Variants in STK39 observed in about 807,000 individuals in gnomAD.
The protein encoded by STK39 is serine/threonine kinase 39.
A neutral mutation model predicts 77.8 loss-of-function variants in STK39; 20 were observed. That is an observed-to-expected ratio of 0.26 (90% CI 0.18 to 0.37). STK39 has a LOEUF of 0.37. STK39 is among the 10% of genes least tolerant of loss of function. The probability of loss-of-function intolerance (pLI) is 1.00; values close to 1 mark genes in which losing one functional copy is unlikely to be tolerated. For missense variants in STK39, 479 were observed against 656.5 expected (o/e 0.73, Z 2.95); for synonymous variants, 246 against 234.1 (o/e 1.05, Z -0.47).
intron 16 of STK39, among the ~76,000 whole-genome samples, chr2:167,976,330 AC>A (rs1683275307): frequency 1.3e-5 from 2 of 152,214 alleles, no homozygotes; most frequent in African/African-American, 4.8e-5. Context: ...GATCTAGTCA[AC>A]CCCTCCTCTT....
chr2:168,004,525 G>A (rs113556751), intron 16 of STK39, among the ~76,000 whole-genome samples: 16,630 of 151,994 alleles, frequency 0.11, 3,060 homozygotes, highest in African/African-American at 0.38. Context: ...GAGGTCAGGA[G>A]ATCGAGACCA....
chr2:168,221,813 C>G (rs1559153259), intron 1 of STK39, among the ~76,000 whole-genome samples: 1 of 150,028 alleles, frequency 6.7e-6, no homozygotes. Flanking sequence ...GCAACAAAGA[C>G]CGAATAAAGA....
intron 10 of STK39, among the ~76,000 whole-genome samples, chr2:168,088,671 G>A (rs922794434): frequency 5.9e-5 from 9 of 152,102 alleles, no homozygotes; most frequent in East Asian, 1.9e-4. Context: ...GGCTAATAGA[G>A]AACAGCATCC....
intron 1 of STK39, chr2:168,231,963 ATCTG>A (rs996290731): frequency 4.2e-6 from 1 of 238,230 alleles, no homozygotes; most frequent in Admixed American, 4.0e-5. Flanking sequence ...CACAGAAGAG[ATCTG>A]TCTTAGAGCT....
chr2:168,021,362 A>G (rs962419569), intron 14 of STK39, among the ~76,000 whole-genome samples: 5 of 152,190 alleles, frequency 3.3e-5, no homozygotes, highest in African/African-American at 1.2e-4. Flanking sequence ...CGCCTTTGAA[A>G]AGATCACAGT....
chr2:167,955,644 G>T, intron 17 of STK39, 74 bp from the exon 18 acceptor site: 1 of 1,474,442 alleles, frequency 6.8e-7, no homozygotes, highest in Non-Finnish European at 9.3e-7. Flanking sequence ...TTCCTATGAT[G>T]GCAGATCTAA....
At chr2:168,236,229 G>A (rs1305120847) in intron 1 of STK39, among the ~76,000 whole-genome samples, 12 of 152,178 alleles carry the variant, frequency 7.9e-5, no homozygotes, top group Admixed American at 6.5e-4. Context: ...TTTTTCATGT[G>A]TCTTTTGGCT....
At chr2:168,163,942 T>G in intron 3 of STK39, 62 bp from the exon 4 acceptor site, 1 of 1,553,656 alleles carries the variant, frequency 6.4e-7, no homozygotes, top group Non-Finnish European at 8.7e-7. Flanking sequence ...AGAACAAGAC[T>G]CCATTATGTA....
intron 5 of STK39, among the ~76,000 whole-genome samples, chr2:168,158,831 A>G (rs1688500120): frequency 6.6e-6 from 1 of 152,204 alleles, no homozygotes; most frequent in Non-Finnish European, 1.5e-5. Context: ...GGAAGCACTC[A>G]AGACACATTA....
chr2:167,968,962 T>C (rs1162383238), intron 16 of STK39, among the ~76,000 whole-genome samples: 1 of 152,172 alleles, frequency 6.6e-6, no homozygotes, highest in Non-Finnish European at 1.5e-5. Flanking sequence ...TAGCACAGTG[T>C]ATAAGAACCT....
At chr2:167,974,206 CT>C (rs1410577278) in intron 16 of STK39, among the ~76,000 whole-genome samples, 1 of 152,164 alleles carries the variant, frequency 6.6e-6, no homozygotes, top group African/African-American at 2.4e-5. Flanking sequence ...AGTCTTCCCC[CT>C]ATCAGTGAGT....
At chr2:168,046,390 C>T (rs1685242485) in intron 14 of STK39, among the ~76,000 whole-genome samples, 1 of 152,112 alleles carries the variant, frequency 6.6e-6, no homozygotes, top group Admixed American at 6.6e-5. Flanking sequence ...AACAAACAAA[C>T]AAACAAACAA....
At position 168,132,895 on chromosome 2, in the gene STK39, G is replaced by A. The variant is rs115702754; in HGVS notation, c.975-3137C>T. Among the ~76,000 whole-genome samples, 537 of 152,278 alleles carry A rather than the reference G, an allele frequency of 3.5e-3. 5 individuals are homozygous for A. The highest frequency in any genetic ancestry group is 0.012 in the African/African-American group (500 of 41,540). The stretch of plus-strand genomic sequence containing the variant: ...TCAATTTCATACTATAATCAAATAT[G>A]GGGGAAAGTGATGCTGCTACACATT... On this transcript the variant is annotated intron_variant, in intron 8 of 17. Transcript: ENST00000355999.
intron 1 of STK39, among the ~76,000 whole-genome samples, chr2:168,195,717 A>G (rs1689452400): frequency 6.6e-6 from 1 of 152,234 alleles, no homozygotes. Context: ...GGATGAGTGT[A>G]AGAATTCCAC....
intron 14 of STK39, among the ~76,000 whole-genome samples, chr2:168,018,564 AAGAAAG>A (rs1684486986): frequency 1.3e-5 from 2 of 148,698 alleles, no homozygotes; most frequent in African/African-American, 2.5e-5. Flanking sequence ...GAAAGAAAGA[AAGAAAG>A]AAAGAAAGAA....
intron 14 of STK39, among the ~76,000 whole-genome samples, chr2:168,048,804 C>A (rs1677244234): frequency 6.6e-6 from 1 of 152,212 alleles, no homozygotes; most frequent in South Asian, 2.1e-4. Flanking sequence ...AAGCTAGGCG[C>A]CATGTCCAGA....
At chr2:168,242,077 T>C (rs755152900) in intron 1 of STK39, among the ~76,000 whole-genome samples, 1 of 152,112 alleles carries the variant, frequency 6.6e-6, no homozygotes, top group Non-Finnish European at 1.5e-5. Context: ...AAAAATCAAA[T>C]GCATAAATAA....
intron 10 of STK39, among the ~76,000 whole-genome samples, chr2:168,088,662 G>A (rs1043024278): frequency 1.6e-4 from 25 of 152,120 alleles, no homozygotes; most frequent in Non-Finnish European, 1.8e-4. Flanking sequence ...AGTAGAAAAG[G>A]CTAATAGAGA....
At chr2:168,091,162 AC>A (rs1437215837) in intron 10 of STK39, among the ~76,000 whole-genome samples, 43 of 151,882 alleles carry the variant, frequency 2.8e-4, no homozygotes, top group Non-Finnish European at 5.6e-4. Flanking sequence ...ACACACACAC[AC>A]ACACACACAC....
Sources: allele counts gnomAD v4.1 joint callset (sites outside exome capture counted in the v4.1 genomes callset), GRCh38; gene constraint gnomAD v4.1.1; transcripts MANE v1.5; gene names NCBI Gene and HGNC (gene_info 2026-07-23, HGNC 2026-07-21).